The following LRP4 variants were observed in gnomAD, a reference collection of about 807,000 sequenced individuals.
LRP4 encodes low-density lipoprotein receptor-related protein 4.
A neutral mutation model predicts 220.3 loss-of-function variants in LRP4; 95 were observed. The observed-to-expected ratio is 0.43, with a 90% CI of 0.37 to 0.51. The LOEUF (loss-of-function observed/expected upper bound fraction) is 0.51, where lower values mean the gene tolerates loss of function less well. Among genes scored for constraint, LRP4 ranks in the 20% least tolerant of loss-of-function variants. LRP4 has a pLI of 0.00. For synonymous variants in LRP4, 903 were observed against 954.6 expected (o/e 0.95, Z 1.00); for missense variants, 1,925 against 2,567.0 (o/e 0.75, Z 5.40).
chr11:46,917,484 G>A (rs1340859069), intron 1 of LRP4, among the ~76,000 whole-genome samples: 1 of 152,156 alleles, frequency 6.6e-6, no homozygotes, highest in Non-Finnish European at 1.5e-5. Flanking sequence ...CAGGGGGTAC[G>A]GGCACCAAGG....
Position 46,889,949 on chromosome 11 carries a change from G to C in LRP4, c.2087C>G (p.Pro696Arg). ...DIHTLHPQRQ[P>R]AGKNRCGDNN... is the part of the protein sequence containing the mutation. ...CCCGGTGGGCAGTTTTTTACCTGCA[G>C]GTTGGCGCTGGGGGTGCAAGGTGTG... The change falls in exon 15 of 38, where the codon CCT (proline) becomes CGT (arginine). Residue 696 changes from proline to arginine, a missense_variant. Transcript: ENST00000378623. 6.2e-7 allele frequency: 1 copy of C among 1,614,172 alleles called. No homozygotes were observed. The highest frequency in any genetic ancestry group is 8.5e-7 in the Non-Finnish European group (1 of 1,180,028).
In LRP4 at chr11:46,873,722, G is replaced by A; in HGVS notation, c.4230-129C>T. On this transcript the variant is annotated intron_variant, in intron 28 of 37. Transcript: ENST00000378623. This position sits in a 1 kb window ranked among gnomAD's most constrained non-coding sequence, Gnocchi z 4.2. Reference sequence around the variant, plus strand: ...ACAGGGATAGAGACCAGGTATCTATGAGTACATTCCTCAGCACCCAGCATG... The same window carrying A: ...ACAGGGATAGAGACCAGGTATCTATAAGTACATTCCTCAGCACCCAGCATG... 1.5e-6 allele frequency: 1 copy of A among 678,986 alleles called. No homozygotes were observed. Among genetic ancestry groups the A allele is most frequent in the Non-Finnish European group, 2.5e-6 (1 of 397,026 alleles). The allele number at this position is 678,986 out of a possible 1,614,324, so 42.1% of individuals were successfully genotyped here.
intron 34 of LRP4, 53 bp downstream of exon 34, chr11:46,867,926 T>C: frequency 6.2e-7 from 1 of 1,612,712 alleles, no homozygotes; most frequent in South Asian, 1.1e-5. Flanking sequence ...GAGTTGGTCA[T>C]GGGATGGTGA....
chr11:46,880,778 T>G (rs944916499), intron 20 of LRP4, among the ~76,000 whole-genome samples: 2 of 151,306 alleles, frequency 1.3e-5, no homozygotes, highest in Admixed American at 1.3e-4. Flanking sequence ...AGGACTATGA[T>G]TAGACAGTAA....
intron 7 of LRP4, 101 bp downstream of exon 7, chr11:46,898,456 CA>C (rs899297937): frequency 6.5e-7 from 1 of 1,528,442 alleles, no homozygotes; most frequent in Non-Finnish European, 9.0e-7. Flanking sequence ...AAAGTGCTGG[CA>C]TTATAAGCAT....
At position 46,898,990 on chromosome 11, in the gene LRP4, T is replaced by G. The variant is rs147097280; in HGVS notation, c.590A>C (p.Gln197Pro). 9 of 1,613,676 alleles carry G rather than the reference T, an allele frequency of 5.6e-6. No individual in the cohort carries two copies. In the African/African-American group the frequency reaches 1.2e-4, roughly 22 times the overall value. The change falls in exon 6 of 38, where the codon CAG (glutamine) becomes CCG (proline). Residue 197 changes from glutamine to proline, a missense_variant. By Grantham distance (76) the Gln-to-Pro change is moderately conservative. Around this residue, in one of 3 missense-constraint regions of LRP4, gnomAD observed 412 missense variants for 505.4 expected, o/e 0.82. Transcript: ENST00000378623. ...PAPPCNLEEF[Q>P]CAYGRCILDI... The stretch of plus-strand genomic sequence containing the variant: ...GAGGATGCAGCGTCCATAGGCACAC[T>G]GGAACTCCTCCAGGTTGCAGGGGGG...
At chr11:46,903,078 T>C in intron 1 of LRP4, 149 bp from the exon 2 acceptor site, 2 of 935,948 alleles carry the variant, frequency 2.1e-6, no homozygotes, top group East Asian at 5.2e-5. Flanking sequence ...AGTAAAACCA[T>C]GCCTCCTCCA....
chr11:46,907,988 G>A (rs1941789512), intron 1 of LRP4, among the ~76,000 whole-genome samples: 1 of 151,852 alleles, frequency 6.6e-6, no homozygotes, highest in Admixed American at 6.6e-5. Context: ...AGGCTGGAGT[G>A]CAGTGGCGCG....
intron 1 of LRP4, among the ~76,000 whole-genome samples, chr11:46,916,838 T>C (rs1257036958): frequency 6.6e-6 from 1 of 152,196 alleles, no homozygotes; most frequent in Non-Finnish European, 1.5e-5. Context: ...AAGCTGTCCC[T>C]TTAAGGGGCC....
chr11:46,861,471 A>AT (rs1398635602), intron 37 of LRP4, among the ~76,000 whole-genome samples: 1 of 150,202 alleles, frequency 6.7e-6, no homozygotes. Flanking sequence ...CTTATATTGG[A>AT]TTAGGAAAAT....
rs1456081821 is a variant in LRP4 at position 46,868,732 on chromosome 11, A to T, written c.4838-19T>A. 6.5e-7 allele frequency: 1 copy of T among 1,545,580 alleles called. No homozygotes were observed. Among genetic ancestry groups the T allele is most frequent in the African/African-American group, 1.4e-5 (1 of 73,698 alleles). On this transcript the variant is annotated intron_variant, in intron 32 of 37. Coordinates refer to ENST00000378623, the MANE Select transcript of LRP4 (RefSeq NM_002334.4). ...TTGGTCCCTGGAGGCAAAGTAGATGAATGTCTTATCTGGGACAGAATCAGG... is the reference window on the plus strand; with the variant it reads ...TTGGTCCCTGGAGGCAAAGTAGATGTATGTCTTATCTGGGACAGAATCAGG...
At chr11:46,915,250 T>C (rs1223395597) in intron 1 of LRP4, among the ~76,000 whole-genome samples, 2 of 152,188 alleles carry the variant, frequency 1.3e-5, no homozygotes, top group Non-Finnish European at 2.9e-5. Context: ...TCAGCTCAAT[T>C]GCTCTGCACT....
chr11:46,891,376 A>G (rs944952378), intron 13 of LRP4, among the ~76,000 whole-genome samples: 2 of 151,744 alleles, frequency 1.3e-5, no homozygotes, highest in African/African-American at 2.4e-5. Context: ...GGCCTCCCAA[A>G]GTGCTGGGGT....
chr11:46,867,044 G>A (rs965057399), intron 34 of LRP4, among the ~76,000 whole-genome samples: 1 of 152,144 alleles, frequency 6.6e-6, no homozygotes, highest in South Asian at 2.1e-4. Flanking sequence ...ACAGGCATGT[G>A]ACTTACAATC....
chr11:46,872,780 AT>A (rs1406880042), intron 30 of LRP4, among the ~76,000 whole-genome samples: 1 of 152,180 alleles, frequency 6.6e-6, no homozygotes, highest in Non-Finnish European at 1.5e-5. Context: ...AGGGATCAGG[AT>A]TTGTTATATT....
intron 13 of LRP4, among the ~76,000 whole-genome samples, chr11:46,891,617 AT>A (rs2134842400): frequency 6.6e-6 from 1 of 152,198 alleles, no homozygotes; most frequent in South Asian, 2.1e-4. Flanking sequence ...AGATTTCTGA[AT>A]TTTAAATTTA....
intron 28 of LRP4, chr11:46,874,079 T>C (rs867621282): frequency 1.1e-5 from 2 of 176,650 alleles, no homozygotes; most frequent in South Asian, 1.3e-4. Flanking sequence ...GTGCTGGGAT[T>C]ATAGGCGCGA....
At chr11:46,887,599 G>A (rs1011996736) in intron 16 of LRP4, among the ~76,000 whole-genome samples, 3 of 152,116 alleles carry the variant, frequency 2.0e-5, no homozygotes, top group African/African-American at 7.2e-5. Flanking sequence ...TTGGGAGGCT[G>A]AGGTGGATAG....
intron 1 of LRP4, among the ~76,000 whole-genome samples, chr11:46,910,921 C>A (rs189689618): frequency 6.6e-6 from 1 of 152,230 alleles, no homozygotes; most frequent in Non-Finnish European, 1.5e-5. Flanking sequence ...AGTGATCCAC[C>A]TGTCTCGGCC....
Sources: allele counts gnomAD v4.1 joint callset (sites outside exome capture counted in the v4.1 genomes callset), GRCh38; gene constraint gnomAD v4.1.1; regional missense constraint gnomAD v4.1.1; non-coding constraint Gnocchi (gnomAD v3.1); transcripts MANE v1.5; gene names NCBI Gene and HGNC (gene_info 2026-07-23, HGNC 2026-07-21).